NTN1: variants seen among roughly 807,000 people sequenced by gnomAD.
The protein encoded by NTN1 is netrin-1.
Under a neutral mutation model 54.2 loss-of-function variants are expected in NTN1, and 11 were observed. The observed-to-expected ratio is 0.20, with a 90% confidence interval of 0.13 to 0.34. The LOEUF (loss-of-function observed/expected upper bound fraction) is 0.34. NTN1 is among the 10% of genes least tolerant of loss of function. The pLI, the probability that NTN1 is intolerant of heterozygous loss-of-function variation, is 1.00. For synonymous variants in NTN1, 371 were observed against 382.0 expected (o/e 0.97, Z 0.33); for missense variants, 740 against 893.1 (o/e 0.83, Z 2.18).
At chr17:9,169,279 C>T (rs2092380716) in intron 3 of NTN1, among the ~76,000 whole-genome samples, 1 of 152,228 alleles carries the variant, frequency 6.6e-6, no homozygotes, top group Non-Finnish European at 1.5e-5. Context: ...CTTAGGAGAA[C>T]TTGATACAAT....
chr17:9,101,495 T>G lies in NTN1; in HGVS notation c.1019-61318T>G, dbSNP rs559644486. On this transcript the variant is annotated intron_variant, in intron 2 of 6. Coordinates refer to ENST00000173229, the MANE Select transcript of NTN1 (RefSeq NM_004822.3). ...GCCAACCTTGTGACATCTGGCACTT[T>G]TGGCAGAAGTCCTGGCCCTTGGGAC... Among the ~76,000 whole-genome samples, 53 of 152,368 alleles carry G rather than the reference T, an allele frequency of 3.5e-4. 1 individual carries two copies. The highest frequency in any genetic ancestry group is 5.9e-4 in the Non-Finnish European group (40 of 68,038).
intron 2 of NTN1, among the ~76,000 whole-genome samples, chr17:9,063,470 C>T (rs1488756704): frequency 6.6e-6 from 1 of 152,138 alleles, no homozygotes; most frequent in East Asian, 1.9e-4. Context: ...ATGGTCCAAA[C>T]TCAAAGTCAG....
At chr17:9,043,462 G>A (rs779719562) in intron 2 of NTN1, among the ~76,000 whole-genome samples, 8 of 152,064 alleles carry the variant, frequency 5.3e-5, no homozygotes, top group South Asian at 2.1e-4. Flanking sequence ...ACCCAGGGCC[G>A]GAATTAAAAA....
intron 2 of NTN1, among the ~76,000 whole-genome samples, chr17:9,157,522 C>T (rs2092346296): frequency 6.6e-6 from 1 of 152,208 alleles, no homozygotes. Context: ...AAAATAGGAA[C>T]CCACCTCTTG....
rs1906195664 is a variant in NTN1 at position 9,240,998 on chromosome 17, T to C, written c.*1030T>C. 6.6e-6 allele frequency: 1 copy of C among 152,148 alleles called. No homozygotes were observed. The highest frequency in any genetic ancestry group is 2.4e-5 in the African/African-American group (1 of 41,426). 9.4% of individuals were successfully genotyped at this position (152,148 alleles called of 1,614,324 possible). A position where few individuals can be genotyped will look rare whatever the true frequency, so the allele number is the denominator to read the frequency against. Reference sequence around the variant, plus strand: ...CACTATTTATGTAAATGACATCAGCTCCCGCAAGGCCCCTCAGCAATGTCA... The same window carrying C: ...CACTATTTATGTAAATGACATCAGCCCCCGCAAGGCCCCTCAGCAATGTCA... On this transcript the variant is annotated 3_prime_UTR_variant, in exon 7 of 7. Transcript: ENST00000173229.
At chr17:9,182,401 G>A (rs2092421115) in intron 4 of NTN1, among the ~76,000 whole-genome samples, 1 of 152,240 alleles carries the variant, frequency 6.6e-6, no homozygotes, top group African/African-American at 2.4e-5. Flanking sequence ...CTTGAGATGT[G>A]AGGCTGTAGG....
intron 2 of NTN1, among the ~76,000 whole-genome samples, chr17:9,088,176 C>T (rs957734927): frequency 6.6e-6 from 1 of 152,228 alleles, no homozygotes; most frequent in African/African-American, 2.4e-5. Context: ...AGGCGGGAGA[C>T]AGGGGACCAG....
chr17:9,118,795 C>G (rs1241748702), intron 2 of NTN1, among the ~76,000 whole-genome samples: 1 of 152,202 alleles, frequency 6.6e-6, no homozygotes, highest in East Asian at 1.9e-4. Context: ...CTCTCTAGGT[C>G]TATCCAGTCT....
chr17:9,042,786 CAAAA>C (rs774209137), intron 2 of NTN1, among the ~76,000 whole-genome samples: 1 of 116,876 alleles, frequency 8.6e-6, no homozygotes. Flanking sequence ...GACTCCATCT[CAAAA>C]AAAAAAAAAA....
rs570892822 is a variant in NTN1, at chr17:9,179,473, C to T, written c.1208-334C>T. ...TATCCCCCGATCCTGACTCCTCCAC[C>T]CAGGCGTGATGAGGGCTACGGGCTC... On this transcript the variant is annotated intron_variant, in intron 3 of 6. Transcript: ENST00000173229. Among the ~76,000 whole-genome samples, 5 of 152,358 alleles carry T rather than the reference C, an allele frequency of 3.3e-5. No homozygotes were observed. The South Asian group carries it at 1.0e-3, about 32-fold the overall frequency.
At chr17:9,122,651 T>C (rs1023845100) in intron 2 of NTN1, among the ~76,000 whole-genome samples, 5 of 152,194 alleles carry the variant, frequency 3.3e-5, no homozygotes, top group Admixed American at 2.0e-4. Flanking sequence ...GCAATATCTA[T>C]TTGGTGTAGA....
intron 3 of NTN1, among the ~76,000 whole-genome samples, chr17:9,163,295 C>T (rs1304531449): frequency 6.6e-6 from 1 of 152,002 alleles, no homozygotes; most frequent in East Asian, 1.9e-4. Flanking sequence ...AGGGCTGCGG[C>T]CGCCAACACC....
intron 6 of NTN1, among the ~76,000 whole-genome samples, chr17:9,229,732 C>T (rs572468585): frequency 2.6e-5 from 4 of 152,032 alleles, no homozygotes; most frequent in African/African-American, 9.6e-5. Flanking sequence ...TTGGTGGTAG[C>T]GGGTGGTGGT....
At position 9,212,895 on chromosome 17, in the gene NTN1, G is replaced by A. The variant is rs530675592; in HGVS notation, c.1412-8273G>A. On this transcript the variant is annotated intron_variant, in intron 5 of 6. Coordinates refer to ENST00000173229, the MANE Select transcript of NTN1 (RefSeq NM_004822.3). This position sits in a 1 kb window ranked among gnomAD's most constrained non-coding sequence, Gnocchi z 5.5. ...AGATGCGGTGCCCCTGGCTTCAACCGTGGCCGCCGGGCTCTGCCTGCCATA... is the reference window on the plus strand; with the variant it reads ...AGATGCGGTGCCCCTGGCTTCAACCATGGCCGCCGGGCTCTGCCTGCCATA... Among the ~76,000 whole-genome samples, 7 of 152,364 alleles carry A rather than the reference G, an allele frequency of 4.6e-5. No homozygotes were observed. Among genetic ancestry groups the A allele is most frequent in the South Asian group, 2.1e-4 (1 of 4,834 alleles).
chr17:9,200,038 G>A (rs1403206138), intron 5 of NTN1, among the ~76,000 whole-genome samples: 3 of 152,226 alleles, frequency 2.0e-5, no homozygotes, highest in African/African-American at 4.8e-5. Context: ...TGACCTCATT[G>A]GCATTGGCTT....
the NTN1 span, among the ~76,000 whole-genome samples, chr17:9,010,335 G>A: frequency 6.6e-6 from 1 of 152,154 alleles, no homozygotes; most frequent in Non-Finnish European, 1.5e-5. Context: ...GGGTTGTAAC[G>A]GGTGCTGCAA....
chr17:9,226,470 T>G (rs186542243), intron 6 of NTN1, among the ~76,000 whole-genome samples: 18,115 of 48,166 alleles, frequency 0.38, 1,536 homozygotes, highest in East Asian at 0.47. Context: ...GTGGGGAGGC[T>G]GTCTCGTGGG....
chr17:9,112,879 C>T (rs1415022696), intron 2 of NTN1, among the ~76,000 whole-genome samples: 4 of 151,078 alleles, frequency 2.6e-5, no homozygotes, highest in Non-Finnish European at 5.9e-5. Flanking sequence ...AAAGTGCTGT[C>T]TAGCATCCCC....
intron 2 of NTN1, among the ~76,000 whole-genome samples, chr17:9,049,731 A>C (rs1230172431): frequency 6.6e-6 from 1 of 152,210 alleles, no homozygotes; most frequent in Non-Finnish European, 1.5e-5. Flanking sequence ...AAGATTCTGA[A>C]TTGGATCTAG....
Sources: gnomAD v4.1 joint callset for allele counts (sites outside exome capture counted in the v4.1 genomes callset) on GRCh38, gnomAD v4.1.1 for gene constraint, Gnocchi (gnomAD v3.1) non-coding constraint, MANE v1.5 for transcripts, NCBI Gene and HGNC (gene_info 2026-07-23, HGNC 2026-07-21) for gene names.